Variants in ITGBL1 observed in about 807,000 individuals in gnomAD.
The protein encoded by ITGBL1 is integrin beta-like protein 1.
Under a neutral mutation model 68.5 loss-of-function variants are expected in ITGBL1, and 51 were observed. The ratio of observed to expected loss-of-function variants is 0.74; its 90% CI spans 0.59 to 0.94. ITGBL1 has a LOEUF of 0.94. ITGBL1 is among the 40% of genes least tolerant of loss of function. ITGBL1 has a pLI of 0.00. For missense variants in ITGBL1, 649 were observed against 647.4 expected, an observed-to-expected ratio of 1.00 and a Z score of -0.03; for synonymous variants, 209 against 227.3, an observed-to-expected ratio of 0.92 and a Z score of 0.72.
At chr13:101,595,908 C>T (rs1291311471) in intron 6 of ITGBL1, among the ~76,000 whole-genome samples, 2 of 152,130 alleles carry the variant, frequency 1.3e-5, no homozygotes, top group Non-Finnish European at 2.9e-5. Flanking sequence ...TGCAGCATTA[C>T]TCCTAATAAC....
chr13:101,463,340 C>T (rs1365586103), intron 2 of ITGBL1, among the ~76,000 whole-genome samples: 1 of 152,096 alleles, frequency 6.6e-6, no homozygotes. Flanking sequence ...TGCCCTCAGC[C>T]CTGGCCAGCA....
intron 2 of ITGBL1, among the ~76,000 whole-genome samples, chr13:101,475,763 C>G (rs2048527369): frequency 8.0e-6 from 1 of 125,218 alleles, no homozygotes; most frequent in African/African-American, 3.0e-5. Flanking sequence ...CCAAAAGGGA[C>G]TGGTGCAACA....
intron 7 of ITGBL1, among the ~76,000 whole-genome samples, chr13:101,613,598 T>C (rs2031230189): frequency 6.6e-6 from 1 of 152,040 alleles, no homozygotes; most frequent in African/African-American, 2.4e-5. Context: ...ACATGACAAC[T>C]CAGGGAAGAT....
intron 6 of ITGBL1, among the ~76,000 whole-genome samples, chr13:101,584,608 G>T (rs1427421367): frequency 1.3e-5 from 2 of 152,126 alleles, no homozygotes; most frequent in Non-Finnish European, 2.9e-5. Context: ...TTGCAGAAGG[G>T]TTTCCCTCTT....
intron 2 of ITGBL1, 21 bp downstream of exon 2, chr13:101,454,121 C>T: frequency 2.0e-6 from 3 of 1,500,216 alleles, no homozygotes; most frequent in Non-Finnish European, 1.8e-6. Flanking sequence ...GGCGCTGTCT[C>T]CTCCCTCGGG....
chr13:101,462,741 C>T (rs1286328234), intron 2 of ITGBL1, among the ~76,000 whole-genome samples: 1 of 152,148 alleles, frequency 6.6e-6, no homozygotes, highest in Non-Finnish European at 1.5e-5. Context: ...CGCCCCCACA[C>T]CTGGCTAATT....
chr13:101,457,596 G>T (rs1036314920), intron 2 of ITGBL1, among the ~76,000 whole-genome samples: 1 of 152,144 alleles, frequency 6.6e-6, no homozygotes, highest in Non-Finnish European at 1.5e-5. Context: ...CTATGGATGT[G>T]ATGGTCTATT....
chr13:101,546,336 G>A (rs1157857431), intron 2 of ITGBL1, among the ~76,000 whole-genome samples: 1 of 152,102 alleles, frequency 6.6e-6, no homozygotes, highest in Non-Finnish European at 1.5e-5. Context: ...GGTGTTAAAC[G>A]ATAGGTAGGG....
chr13:101,557,089 A>G (rs1319604249), intron 2 of ITGBL1, among the ~76,000 whole-genome samples: 1 of 152,214 alleles, frequency 6.6e-6, no homozygotes, highest in Non-Finnish European at 1.5e-5. Flanking sequence ...ATGCTGATGC[A>G]CAGCTCCTGC....
intron 2 of ITGBL1, 29 bp from the exon 3 acceptor site, chr13:101,567,670 A>C (rs376354793): frequency 2.2e-5 from 36 of 1,602,988 alleles, no homozygotes; most frequent in Non-Finnish European, 2.8e-5. Context: ...AAACAATTTG[A>C]GTCTGACTAG....
chr13:101,498,609 A>G (rs979231915), intron 2 of ITGBL1, among the ~76,000 whole-genome samples: 1 of 152,222 alleles, frequency 6.6e-6, no homozygotes, highest in East Asian at 1.9e-4. Context: ...GTTAAATGTC[A>G]TCAAGCATTC....
intron 4 of ITGBL1, among the ~76,000 whole-genome samples, chr13:101,576,519 G>A (rs1292012501): frequency 6.6e-6 from 1 of 152,164 alleles, no homozygotes; most frequent in Non-Finnish European, 1.5e-5. Flanking sequence ...CTATCTCATG[G>A]GATTCCAGTT....
At chr13:101,676,787 T>C (rs778474189) in intron 7 of ITGBL1, among the ~76,000 whole-genome samples, 3 of 152,154 alleles carry the variant, frequency 2.0e-5, no homozygotes, top group Non-Finnish European at 4.4e-5. Context: ...TGAAGAATAA[T>C]GTCAGTATAA....
intron 6 of ITGBL1, among the ~76,000 whole-genome samples, chr13:101,592,411 G>A (rs2050670215): frequency 6.6e-6 from 1 of 152,072 alleles, no homozygotes; most frequent in Non-Finnish European, 1.5e-5. Context: ...TTTATCTGCG[G>A]TCGTGTCAAA....
intron 9 of ITGBL1, chr13:101,712,357 C>A (rs1349912810): frequency 6.6e-6 from 1 of 152,162 alleles, no homozygotes; most frequent in Admixed American, 6.5e-5. Flanking sequence ...ATCAAATGTT[C>A]TATCCATATA....
At chr13:101,676,338 A>G (rs2033503038) in intron 7 of ITGBL1, among the ~76,000 whole-genome samples, 1 of 152,138 alleles carries the variant, frequency 6.6e-6, no homozygotes, top group Non-Finnish European at 1.5e-5. Context: ...ATAGATATAG[A>G]TATAAATATA....
chr13:101,692,669 G>A lies in ITGBL1; in HGVS notation c.1100G>A (p.Arg367His), dbSNP rs762946447. ...AAGACTTGTGAGTGTGATGATCGCC[G>A]CTGTGAAGACCTCGATGGTGTGGTC... Reference protein sequence around the residue: ...YGKTCECDDRRCEDLDGVVCG... With the variant: ...YGKTCECDDRHCEDLDGVVCG... The change falls in exon 8 of 11, where the codon CGC becomes CAC. Residue 367 changes from arginine to histidine, a missense_variant. Arg to His is a conservative substitution (Grantham distance 29). Coordinates refer to ENST00000376180, the MANE Select transcript of ITGBL1 (RefSeq NM_004791.3). The A allele has an allele frequency of 1.3e-5, 21 of 1,613,402 alleles. No individual in the cohort carries two copies. The highest frequency in any genetic ancestry group is 8.9e-5 in the East Asian group (4 of 44,858).
intron 2 of ITGBL1, among the ~76,000 whole-genome samples, chr13:101,500,026 A>G (rs1468126469): frequency 2.0e-5 from 3 of 152,176 alleles, no homozygotes; most frequent in African/African-American, 7.2e-5. Flanking sequence ...TGAAGGCCAT[A>G]GGTTTATCTT....
intron 2 of ITGBL1, among the ~76,000 whole-genome samples, chr13:101,490,970 A>G (rs2048767334): frequency 6.6e-6 from 1 of 152,190 alleles, no homozygotes; most frequent in African/African-American, 2.4e-5. Flanking sequence ...CTCATTGTTA[A>G]TAAGTGGTGT....
Sources: allele counts gnomAD v4.1 joint callset (sites outside exome capture counted in the v4.1 genomes callset), GRCh38; gene constraint gnomAD v4.1.1; transcripts MANE v1.5; gene names NCBI Gene and HGNC (gene_info 2026-07-23, HGNC 2026-07-21).